TRAPPC9: variants seen among roughly 807,000 people sequenced by gnomAD.
TRAPPC9 encodes trafficking protein particle complex subunit 9, also known as IKK2 binding protein.
Under a neutral mutation model 124.0 loss-of-function variants are expected in TRAPPC9, and 83 were observed. The ratio of observed to expected loss-of-function variants is 0.67; its 90% CI spans 0.56 to 0.80. TRAPPC9 has a LOEUF of 0.80. TRAPPC9 is among the 30% of genes least tolerant of loss of function. The pLI is 0.00. For missense variants in TRAPPC9, 1,302 were observed against 1,508.3 expected, an observed-to-expected ratio of 0.86 and a Z score of 2.27; for synonymous variants, 638 against 617.5, an observed-to-expected ratio of 1.03 and a Z score of -0.49.
intron 9 of TRAPPC9, among the ~76,000 whole-genome samples, chr8:140,312,776 T>C (rs1021191003): frequency 6.8e-6 from 1 of 146,990 alleles, no homozygotes; most frequent in African/African-American, 2.6e-5. Flanking sequence ...TTTTTTTTTT[T>C]TGAAACAGGA....
rs563714607 is a variant in TRAPPC9, at chr8:139,877,298, C to T, written c.3055+8581G>A. Among the ~76,000 whole-genome samples the T allele has an allele frequency of 3.9e-5, 6 of 152,360 alleles. No individual in the cohort carries two copies. In the South Asian group the frequency reaches 1.2e-3, roughly 32 times the overall value. ...GCAAATGCCTAGCCCCATTAGTCAC[C>T]ATGACCGGGTCTCTATGGAAACGCC... On this transcript the variant is annotated intron_variant, in intron 21 of 22. Coordinates refer to ENST00000438773, the MANE Select transcript of TRAPPC9 (RefSeq NM_001160372.4).
At chr8:140,429,831 T>C (rs1433873623) in intron 4 of TRAPPC9, among the ~76,000 whole-genome samples, 1 of 150,616 alleles carries the variant, frequency 6.6e-6, no homozygotes, top group East Asian at 2.0e-4. Context: ...ATAAAATGTG[T>C]GTAGCACATT....
chr8:140,024,505 C>G (rs1840009235), intron 17 of TRAPPC9, among the ~76,000 whole-genome samples: 1 of 151,930 alleles, frequency 6.6e-6, no homozygotes. Flanking sequence ...CCAAGCAATT[C>G]TCCTGCCTCA....
At chr8:140,213,340 T>C (rs1563851098) in intron 17 of TRAPPC9, among the ~76,000 whole-genome samples, 1 of 152,142 alleles carries the variant, frequency 6.6e-6, no homozygotes, top group Non-Finnish European at 1.5e-5. Flanking sequence ...ATAAACTTTT[T>C]ATAATATATT....
intron 16 of TRAPPC9, among the ~76,000 whole-genome samples, chr8:140,243,615 C>G (rs1412982690): frequency 6.6e-6 from 1 of 152,226 alleles, no homozygotes. Flanking sequence ...GTCCCCTTCT[C>G]AAGATACAAA....
chr8:139,803,030 G>C (rs189115351), intron 21 of TRAPPC9, among the ~76,000 whole-genome samples: 2 of 152,040 alleles, frequency 1.3e-5, no homozygotes, highest in Admixed American at 1.3e-4. Context: ...GTAGATGAAC[G>C]TGTGTGTATG....
At chr8:140,432,765 G>A (rs1588345497) in intron 4 of TRAPPC9, among the ~76,000 whole-genome samples, 2 of 151,958 alleles carry the variant, frequency 1.3e-5, no homozygotes, top group East Asian at 1.9e-4. Context: ...CCAGCTACTC[G>A]GGAGGCTGAG....
At chr8:140,144,495 CATTCATTCATTT>C (rs949367591) in intron 17 of TRAPPC9, among the ~76,000 whole-genome samples, 7 of 149,952 alleles carry the variant, frequency 4.7e-5, no homozygotes, top group Admixed American at 1.3e-4. Context: ...TTCATTCATT[CATTCATTCATTT>C]AGATGGAGTC....
chr8:140,415,965 A>G (rs2069915580), intron 5 of TRAPPC9, among the ~76,000 whole-genome samples: 1 of 152,186 alleles, frequency 6.6e-6, no homozygotes, highest in Non-Finnish European at 1.5e-5. Context: ...TGTCTCTTAA[A>G]CCAGAAGAAA....
chr8:139,918,297 G>T (rs1832275567), intron 19 of TRAPPC9, among the ~76,000 whole-genome samples: 1 of 152,218 alleles, frequency 6.6e-6, no homozygotes, highest in Non-Finnish European at 1.5e-5. Context: ...AAGAGGGATG[G>T]TGTGCTCTGA....
chr8:140,034,976 C>T lies in TRAPPC9; in HGVS notation c.2557-10897G>A, dbSNP rs192061246. ...AGGAAGGCCAGTTTCACAGCTGCCGCGCCATGAGGCTGCCCTGGCCTTGGT... is the reference window on the plus strand; with the variant it reads ...AGGAAGGCCAGTTTCACAGCTGCCGTGCCATGAGGCTGCCCTGGCCTTGGT... On this transcript the variant is annotated intron_variant, in intron 17 of 22. Coordinates refer to ENST00000438773, the MANE Select transcript of TRAPPC9 (RefSeq NM_001160372.4). Among the ~76,000 whole-genome samples the T allele has an allele frequency of 1.4e-3, 208 of 152,360 alleles. 1 individual carries two copies. Among genetic ancestry groups the T allele is most frequent in the African/African-American group, 4.2e-3 (173 of 41,588 alleles).
intron 9 of TRAPPC9, among the ~76,000 whole-genome samples, chr8:140,330,411 G>T (rs2066866019): frequency 6.6e-6 from 1 of 152,148 alleles, no homozygotes; most frequent in Non-Finnish European, 1.5e-5. Context: ...ACAGAGTGTG[G>T]ATTAACTTAG....
intron 19 of TRAPPC9, among the ~76,000 whole-genome samples, chr8:139,967,650 A>G (rs1295514702): frequency 6.6e-6 from 1 of 152,208 alleles, no homozygotes; most frequent in Non-Finnish European, 1.5e-5. Context: ...AAGGCAGGTG[A>G]CATGGTGAGG....
At chr8:140,458,526 C>T (rs144294636), upstream of TRAPPC9, 269 of 1,583,576 alleles carry the variant, frequency 1.7e-4, no homozygotes, top group Admixed American at 2.7e-4. Context: ...CCGGCTTCCC[C>T]CTGTGTGGCG....
At chr8:140,404,892 A>G (rs75870500) in intron 6 of TRAPPC9, among the ~76,000 whole-genome samples, 13 of 57,122 alleles carry the variant, frequency 2.3e-4, no homozygotes, top group Admixed American at 5.8e-4. Context: ...GCATGTGTGC[A>G]CGTGTGTGTG....
intron 21 of TRAPPC9, among the ~76,000 whole-genome samples, chr8:139,840,793 G>A (rs1438255079): frequency 5.9e-5 from 9 of 152,132 alleles, no homozygotes; most frequent in Admixed American, 2.6e-4. Flanking sequence ...GCCCAGGGTC[G>A]CTCACCAAGG....
intron 17 of TRAPPC9, among the ~76,000 whole-genome samples, chr8:140,213,291 G>A (rs1277146007): frequency 6.6e-6 from 1 of 151,988 alleles, no homozygotes; most frequent in Non-Finnish European, 1.5e-5. Context: ...TGTCTTCTAA[G>A]GAATTTGTCA....
chr8:140,221,699 G>A, intron 16 of TRAPPC9, 116 bp from the exon 17 acceptor site: 1 of 1,348,382 alleles, frequency 7.4e-7, no homozygotes, highest in Non-Finnish European at 1.0e-6. Context: ...GTGCAGTGGT[G>A]CAATCTCTGC....
At chr8:140,066,812 C>G (rs1842916010) in intron 17 of TRAPPC9, among the ~76,000 whole-genome samples, 1 of 152,218 alleles carries the variant, frequency 6.6e-6, no homozygotes. Context: ...ACCCTCATCT[C>G]AGGGAGCAGT....
Sources: allele counts gnomAD v4.1 joint callset (sites outside exome capture counted in the v4.1 genomes callset), GRCh38; gene constraint gnomAD v4.1.1; transcripts MANE v1.5; gene names NCBI Gene and HGNC (gene_info 2026-07-23, HGNC 2026-07-21).